The following RSRC1 variants were observed in gnomAD, a reference collection of about 807,000 sequenced individuals.
RSRC1 encodes the protein serine/Arginine-related protein 53.
A neutral mutation model predicts 49.1 loss-of-function variants in RSRC1; 39 were observed. The observed-to-expected ratio is 0.79, with a 90% CI of 0.61 to 1.04. RSRC1 has a LOEUF of 1.04. Ranked by LOEUF, RSRC1 falls within the 50% of genes least tolerant of loss-of-function variation. RSRC1 has a pLI of 0.00. For missense variants in RSRC1, 388 were observed against 402.4 expected (o/e 0.96, Z 0.31); for synonymous variants, 143 against 130.8 (o/e 1.09, Z -0.63).
At chr3:158,184,110 A>G (rs1719789365) in intron 3 of RSRC1, among the ~76,000 whole-genome samples, 1 of 152,088 alleles carries the variant, frequency 6.6e-6, no homozygotes, top group Non-Finnish European at 1.5e-5. Flanking sequence ...ATGCAGGATA[A>G]AGATCCATGG....
At chr3:158,396,547 T>TAA (rs1478157803) in intron 6 of RSRC1, among the ~76,000 whole-genome samples, 1 of 152,134 alleles carries the variant, frequency 6.6e-6, no homozygotes, top group Non-Finnish European at 1.5e-5. Flanking sequence ...TGAGCCACTG[T>TAA]AATTTGCTAG....
At chr3:158,506,006 C>T (rs977911009) in intron 7 of RSRC1, among the ~76,000 whole-genome samples, 1 of 152,032 alleles carries the variant, frequency 6.6e-6, no homozygotes, top group Admixed American at 6.6e-5. Context: ...TTTGTTAGCA[C>T]TACTGGGGAA....
rs147223480 is a variant in RSRC1, at chr3:158,136,342, A to G, written c.320+12351A>G. On this transcript the variant is annotated intron_variant, in intron 3 of 9. Transcript: ENST00000611884. Reference sequence around the variant, plus strand: ...GTACCTATTATTTTGCCATGTTACCATGCTCTAAAATAGTTATAATTAAAT... The same window carrying G: ...GTACCTATTATTTTGCCATGTTACCGTGCTCTAAAATAGTTATAATTAAAT... Among the ~76,000 whole-genome samples, 177 of 152,340 alleles carry G rather than the reference A, an allele frequency of 1.2e-3. 1 individual carries two copies. Among genetic ancestry groups the G allele is most frequent in the African/African-American group, 4.0e-3 (166 of 41,580 alleles).
At chr3:158,277,197 T>C (rs1725867047) in intron 4 of RSRC1, among the ~76,000 whole-genome samples, 6 of 152,126 alleles carry the variant, frequency 3.9e-5, no homozygotes, top group Admixed American at 3.9e-4. Flanking sequence ...TGGAATTCCT[T>C]TTGGGGAGCT....
At chr3:158,366,578 CATG>C (rs1323215279) in intron 6 of RSRC1, among the ~76,000 whole-genome samples, 4 of 152,146 alleles carry the variant, frequency 2.6e-5, no homozygotes, top group Non-Finnish European at 5.9e-5. Context: ...AGTCAGGTAG[CATG>C]ATACCTCCAG....
intron 6 of RSRC1, among the ~76,000 whole-genome samples, chr3:158,365,838 T>C (rs992779715): frequency 3.9e-5 from 6 of 152,216 alleles, no homozygotes; most frequent in Non-Finnish European, 8.8e-5. Flanking sequence ...ATGATGGCCA[T>C]TCTAACTGGC....
chr3:158,477,788 C>A (rs779760740), intron 7 of RSRC1, among the ~76,000 whole-genome samples: 1 of 65,934 alleles, frequency 1.5e-5, no homozygotes, highest in South Asian at 7.3e-4. Flanking sequence ...GGATAGGTTG[C>A]GGGAGGGATT....
intron 7 of RSRC1, among the ~76,000 whole-genome samples, chr3:158,482,814 G>C (rs1738667917): frequency 2.6e-5 from 4 of 151,952 alleles, no homozygotes; most frequent in African/African-American, 9.7e-5. Flanking sequence ...TTATAGTTAT[G>C]GTGTCCCTAC....
Position 158,457,364 on chromosome 3 carries a change from T to A in RSRC1, c.584-3571T>A, listed in dbSNP as rs553741627. 2.0e-5 allele frequency among the ~76,000 whole-genome samples: 3 copies of A among 152,288 alleles called. No homozygotes were observed. The East Asian group carries it at 5.8e-4, about 29-fold the overall frequency. On this transcript the variant is annotated intron_variant, in intron 6 of 9. Transcript: ENST00000611884. ...GAAAATGTTGCAGAGGTTTTCAATC[T>A]GAGAGATTAGTTGGCTGGTGAAAAT... is the stretch of plus-strand genomic sequence containing the variant.
At chr3:158,308,458 T>C (rs1435179102) in intron 5 of RSRC1, among the ~76,000 whole-genome samples, 1 of 151,944 alleles carries the variant, frequency 6.6e-6, no homozygotes, top group East Asian at 1.9e-4. Context: ...CATTTTGATC[T>C]CTCTACTCAT....
chr3:158,229,361 TAC>T (rs1390944937), intron 4 of RSRC1, among the ~76,000 whole-genome samples: 4 of 109,778 alleles, frequency 3.6e-5, no homozygotes, highest in Non-Finnish European at 8.4e-5. Context: ...TATACACATA[TAC>T]ACACGTATAT....
At chr3:158,409,123 G>C (rs1029878117) in intron 6 of RSRC1, among the ~76,000 whole-genome samples, 1 of 151,974 alleles carries the variant, frequency 6.6e-6, no homozygotes, top group Non-Finnish European at 1.5e-5. Flanking sequence ...GCACACACTG[G>C]GGCCTATTGG....
chr3:158,516,381 TG>T (rs1483844548), intron 7 of RSRC1, among the ~76,000 whole-genome samples: 4 of 152,144 alleles, frequency 2.6e-5, no homozygotes, highest in South Asian at 2.1e-4. Context: ...GTGCCCCTGC[TG>T]GGGGGTGCCT....
chr3:158,324,196 G>C (rs1389456579), intron 5 of RSRC1, among the ~76,000 whole-genome samples: 2 of 151,340 alleles, frequency 1.3e-5, no homozygotes, highest in Non-Finnish European at 2.9e-5. Context: ...TCAATCATTT[G>C]CTCTTTTAGA....
intron 7 of RSRC1, among the ~76,000 whole-genome samples, chr3:158,518,141 TA>T (rs1560073756): frequency 2.0e-4 from 23 of 115,780 alleles, no homozygotes; most frequent in African/African-American, 3.4e-4. Flanking sequence ...TATATATATA[TA>T]TATATATTTT....
intron 7 of RSRC1, among the ~76,000 whole-genome samples, chr3:158,518,500 A>T (rs12495931): frequency 0.2 from 30,048 of 151,060 alleles, 3,627 homozygotes; most frequent in African/African-American, 0.34. Context: ...TTTGATTTTT[A>T]AAAATATTTA....
chr3:158,308,017 C>T (rs1370471657), intron 5 of RSRC1, among the ~76,000 whole-genome samples: 2 of 151,838 alleles, frequency 1.3e-5, no homozygotes, highest in Admixed American at 6.6e-5. Context: ...AAATGCTTTA[C>T]ATTTTACTCT....
rs182685752 is a variant in RSRC1, at chr3:158,278,583, G to A, written c.495-19456G>A. Reference sequence around the variant, plus strand: ...GACTCATGAAAAACCAAGCAAAACCGCTTGGACTCATTTGCCTTATCTCTT... The same window carrying A: ...GACTCATGAAAAACCAAGCAAAACCACTTGGACTCATTTGCCTTATCTCTT... On this transcript the variant is annotated intron_variant, in intron 4 of 9. Transcript: ENST00000611884. Among the ~76,000 whole-genome samples, 272 of 152,298 alleles carry A rather than the reference G, an allele frequency of 1.8e-3. 1 individual carries two copies. Among genetic ancestry groups the A allele is most frequent in the Admixed American group, 1.6e-3 (24 of 15,300 alleles).
At chr3:158,241,245 C>T (rs768577954) in intron 4 of RSRC1, among the ~76,000 whole-genome samples, 21 of 151,840 alleles carry the variant, frequency 1.4e-4, no homozygotes, top group Non-Finnish European at 2.5e-4. Context: ...ACCAGGAGTT[C>T]GCGACCAGCC....
Sources: gnomAD v4.1 joint callset for allele counts (sites outside exome capture counted in the v4.1 genomes callset) on GRCh38, gnomAD v4.1.1 for gene constraint, MANE v1.5 for transcripts, NCBI Gene and HGNC (gene_info 2026-07-23, HGNC 2026-07-21) for gene names.